ARHGAP26: variants seen among roughly 807,000 people sequenced by gnomAD.
ARHGAP26 encodes rho GTPase-activating protein 26.
In ARHGAP26, 38 loss-of-function variants were observed where a neutral mutation model predicts 104.8. The observed-to-expected ratio is 0.36, with a 90% CI of 0.28 to 0.48. ARHGAP26 has a LOEUF of 0.48. Ranked by LOEUF, ARHGAP26 falls within the 20% of genes least tolerant of loss-of-function variation. ARHGAP26 has a pLI of 0.99. For missense variants in ARHGAP26, 704 were observed against 947.9 expected (o/e 0.74, Z 3.38); for synonymous variants, 341 against 340.0 (o/e 1.00, Z -0.03).
At chr5:142,938,026 C>A (rs1321041755) in intron 11 of ARHGAP26, among the ~76,000 whole-genome samples, 1 of 152,084 alleles carries the variant, frequency 6.6e-6, no homozygotes, top group Non-Finnish European at 1.5e-5. Flanking sequence ...TATGTGTATA[C>A]TTCTGTACAA....
At position 143,087,752 on chromosome 5, in the gene ARHGAP26, TG is replaced by T. The variant is rs540368365; in HGVS notation, c.1538+30006del. ...ACAACCTCCGCCTCCCAGGTTCAAGTGATTCTTCTGCCTCAGCCTCCCGAGT... is the reference window on the plus strand; with the variant it reads ...ACAACCTCCGCCTCCCAGGTTCAAGTATTCTTCTGCCTCAGCCTCCCGAGT... On this transcript the variant is annotated intron_variant, in intron 17 of 22. Transcript: ENST00000645722. Among the ~76,000 whole-genome samples, 301 of 147,826 alleles carry T rather than the reference TG, an allele frequency of 2.0e-3. 2 individuals carry two copies. The highest frequency in any genetic ancestry group is 7.1e-3 in the African/African-American group (285 of 40,388).
chr5:143,094,007 C>A (rs17707332), intron 17 of ARHGAP26, among the ~76,000 whole-genome samples: 13,937 of 152,192 alleles, frequency 0.092, 1,218 homozygotes, highest in East Asian at 0.36. Context: ...GGGATTTCTC[C>A]CCTGTTTTTG....
intron 17 of ARHGAP26, among the ~76,000 whole-genome samples, chr5:143,060,583 T>C (rs1322414166): frequency 6.6e-6 from 1 of 151,994 alleles, no homozygotes; most frequent in Non-Finnish European, 1.5e-5. Context: ...ACCATGCACA[T>C]ATTTTTGTAG....
chr5:143,146,931 G>T (rs1799231719), intron 19 of ARHGAP26, among the ~76,000 whole-genome samples: 2 of 152,200 alleles, frequency 1.3e-5, no homozygotes, highest in African/African-American at 4.8e-5. Flanking sequence ...GTCAAAAGAA[G>T]ATGCAATTTA....
rs1754991153 is a variant in ARHGAP26 at position 142,770,605 on chromosome 5, G to A, written c.-157G>A. ...CGAGCTCGGTTCGGGAGTCTTGCGC[G>A]CCGGCGGACACCGCGCGCGGAGTGA... is the stretch of plus-strand genomic sequence containing the variant. On this transcript the variant is annotated 5_prime_UTR_variant, in exon 1 of 23. Transcript: ENST00000645722. The A allele has an allele frequency of 2.5e-6, 1 of 406,414 alleles. No homozygotes were observed. Among genetic ancestry groups the A allele is most frequent in the Non-Finnish European group, 3.5e-6 (1 of 289,728 alleles). The allele number at this position is 406,414 out of a possible 1,614,324, so 25.2% of individuals were successfully genotyped here.
At chr5:142,818,540 G>C (rs1463158854) in intron 1 of ARHGAP26, among the ~76,000 whole-genome samples, 1 of 152,158 alleles carries the variant, frequency 6.6e-6, no homozygotes, top group Non-Finnish European at 1.5e-5. Context: ...AAAAAAGCAA[G>C]GTAGTGAGAT....
chr5:143,204,475 G>A (rs56288427), intron 20 of ARHGAP26, among the ~76,000 whole-genome samples: 1,812 of 152,314 alleles, frequency 0.012, 37 homozygotes, highest in African/African-American at 0.041. Flanking sequence ...AGTGAGCCAA[G>A]ATTGTGCCAT....
chr5:142,793,621 T>C (rs1005598596), intron 1 of ARHGAP26, among the ~76,000 whole-genome samples: 1 of 152,166 alleles, frequency 6.6e-6, no homozygotes, highest in African/African-American at 2.4e-5. Context: ...AGAGTCTCAC[T>C]CTGTCACCCA....
chr5:143,125,919 G>A (rs906036315), intron 18 of ARHGAP26, among the ~76,000 whole-genome samples: 2 of 152,118 alleles, frequency 1.3e-5, no homozygotes, highest in South Asian at 2.1e-4. Flanking sequence ...AGAGGAACAG[G>A]GGTTGAACTT....
At chr5:142,965,578 G>A (rs830289) in intron 11 of ARHGAP26, among the ~76,000 whole-genome samples, 57,971 of 152,068 alleles carry the variant, frequency 0.38, 12,351 homozygotes, top group East Asian at 0.78. Flanking sequence ...GTTTTTCCTA[G>A]GTTATGATTA....
rs150589735 is a variant in ARHGAP26, at chr5:142,836,325, G to A, written c.155-37075G>A. ...TAAAGCCTGACAGCTTTTTTCCCCG[G>A]TGATGAACCAGTCATATAAATCATT... On this transcript the variant is annotated intron_variant, in intron 1 of 22. Coordinates refer to ENST00000645722, the MANE Select transcript of ARHGAP26 (RefSeq NM_001135608.3). 2.5e-3 allele frequency among the ~76,000 whole-genome samples: 378 copies of A among 152,220 alleles called. 1 individual carries two copies. The highest frequency in any genetic ancestry group is 8.8e-3 in the African/African-American group (367 of 41,522).
chr5:142,887,239 A>G (rs934584011), intron 5 of ARHGAP26, among the ~76,000 whole-genome samples: 1 of 152,178 alleles, frequency 6.6e-6, no homozygotes, highest in Non-Finnish European at 1.5e-5. Context: ...CTGAATTACC[A>G]CAGTGTAGGG....
chr5:142,783,323 C>A (rs1216381206), intron 1 of ARHGAP26, among the ~76,000 whole-genome samples: 1 of 152,228 alleles, frequency 6.6e-6, no homozygotes, highest in East Asian at 1.9e-4. Flanking sequence ...TGAGCGGGAA[C>A]CCTTCAGCAG....
At chr5:142,916,694 C>T (rs900052379) in intron 10 of ARHGAP26, among the ~76,000 whole-genome samples, 6 of 152,130 alleles carry the variant, frequency 3.9e-5, no homozygotes, top group African/African-American at 1.4e-4. Flanking sequence ...GAGAATGTAA[C>T]TACTAGGAAA....
rs187029127 is a variant in ARHGAP26 at position 142,807,257 on chromosome 5, G to A, written c.154+36342G>A. On this transcript the variant is annotated intron_variant, in intron 1 of 22. Coordinates refer to ENST00000645722, the MANE Select transcript of ARHGAP26 (RefSeq NM_001135608.3). ...AGGTATGGTTATTCCTTTTTTGTGAGAAGCAACTTAGGGGCAGTAGTGTTT... is the reference window on the plus strand; with the variant it reads ...AGGTATGGTTATTCCTTTTTTGTGAAAAGCAACTTAGGGGCAGTAGTGTTT... Among the ~76,000 whole-genome samples, 3 of 152,252 alleles carry A rather than the reference G, an allele frequency of 2.0e-5. No homozygotes were observed. In the East Asian group the frequency reaches 5.8e-4, roughly 29 times the overall value.
chr5:143,019,777 C>G lies in ARHGAP26; in HGVS notation c.1144+5661C>G, dbSNP rs936966578. Reference sequence around the variant, plus strand: ...GCCTACTTAACTCTAAAAAGATTAGCTTGTTTACAAGAATGCTGCCCTCCC... The same window carrying G: ...GCCTACTTAACTCTAAAAAGATTAGGTTGTTTACAAGAATGCTGCCCTCCC... On this transcript the variant is annotated intron_variant, in intron 12 of 22. Coordinates refer to ENST00000645722, the MANE Select transcript of ARHGAP26 (RefSeq NM_001135608.3). 2.0e-5 allele frequency among the ~76,000 whole-genome samples: 3 copies of G among 152,180 alleles called. No individual in the cohort carries two copies. The South Asian group carries it at 6.2e-4, about 32-fold the overall frequency.
intron 17 of ARHGAP26, among the ~76,000 whole-genome samples, chr5:143,120,101 T>C (rs537347557): frequency 6.6e-6 from 1 of 152,200 alleles, no homozygotes; most frequent in African/African-American, 2.4e-5. Context: ...GCTCTTGATA[T>C]TGTCTCAACA....
At chr5:143,152,710 C>T (rs865905750) in intron 20 of ARHGAP26, among the ~76,000 whole-genome samples, 6 of 152,330 alleles carry the variant, frequency 3.9e-5, no homozygotes, top group African/African-American at 1.4e-4. Context: ...GCCCAGGCCA[C>T]AATGCCTCAC....
rs372767807 is a variant in ARHGAP26 at position 142,871,509 on chromosome 5, C to G, written c.155-1891C>G. ...TGTTACTCTTAGTGCAGACTTTGTG[C>G]GTTCTCATCAGGGAACATTCTGACT... On this transcript the variant is annotated intron_variant, in intron 1 of 22. Transcript: ENST00000645722. The surrounding 1 kb of genome is among the most constrained non-coding windows in gnomAD (Gnocchi z 4.1). 6.6e-6 allele frequency among the ~76,000 whole-genome samples: 1 copy of G among 152,202 alleles called. No homozygotes were observed. The highest frequency in any genetic ancestry group is 6.5e-5 in the Admixed American group (1 of 15,286).
Sources: allele counts gnomAD v4.1 joint callset (sites outside exome capture counted in the v4.1 genomes callset), GRCh38; gene constraint gnomAD v4.1.1; non-coding constraint Gnocchi (gnomAD v3.1); transcripts MANE v1.5; gene names NCBI Gene and HGNC (gene_info 2026-07-23, HGNC 2026-07-21).